The following PCSK5 variants were observed in gnomAD, a reference collection of about 807,000 sequenced individuals.
PCSK5 encodes the protein prohormone convertase 5.
A neutral mutation model predicts 233.2 loss-of-function variants in PCSK5; 129 were observed. The ratio of observed to expected loss-of-function variants is 0.55; its 90% CI spans 0.48 to 0.64. The LOEUF (loss-of-function observed/expected upper bound fraction) is 0.64. PCSK5 is among the 30% of genes least tolerant of loss of function. The pLI, the probability that PCSK5 is intolerant of heterozygous loss-of-function variation, is 0.00. For missense variants in PCSK5, 2,076 were observed against 2,430.1 expected (o/e 0.85, Z 3.06); for synonymous variants, 825 against 879.2 (o/e 0.94, Z 1.09).
At chr9:76,269,339 T>A (rs1407055802) in intron 24 of PCSK5, among the ~76,000 whole-genome samples, 1 of 152,100 alleles carries the variant, frequency 6.6e-6, no homozygotes, top group Non-Finnish European at 1.5e-5. Context: ...CCAATCTAAG[T>A]GTTCAGGGGA....
intron 7 of PCSK5, among the ~76,000 whole-genome samples, chr9:76,095,232 G>A (rs1190194177): frequency 6.6e-6 from 1 of 152,196 alleles, no homozygotes; most frequent in Non-Finnish European, 1.5e-5. Flanking sequence ...GGGAAGATCA[G>A]TTCTATAGAA....
chr9:76,298,102 G>A (rs560993749), intron 27 of PCSK5, among the ~76,000 whole-genome samples: 1 of 152,268 alleles, frequency 6.6e-6, no homozygotes, highest in African/African-American at 2.4e-5. Flanking sequence ...AAAATGGTCT[G>A]GTGCTGTGTT....
At chr9:76,075,089 G>A (rs368477118) in intron 7 of PCSK5, among the ~76,000 whole-genome samples, 162 of 152,112 alleles carry the variant, frequency 1.1e-3, no homozygotes, top group East Asian at 3.7e-3. Context: ...GTGTGGTGGC[G>A]GGTGCCTGTA....
chr9:76,172,685 C>T (rs1299215949), intron 13 of PCSK5, among the ~76,000 whole-genome samples: 3 of 152,168 alleles, frequency 2.0e-5, no homozygotes, highest in Non-Finnish European at 4.4e-5. Flanking sequence ...TTCATTTGTA[C>T]ACTTGAGAGA....
intron 5 of PCSK5, among the ~76,000 whole-genome samples, chr9:76,037,153 T>G (rs1220768555): frequency 6.6e-6 from 1 of 152,122 alleles, no homozygotes; most frequent in Non-Finnish European, 1.5e-5. Context: ...TGTTCAGAGC[T>G]TGGAATAGCA....
Position 76,360,579 on chromosome 9 carries a change from A to G in PCSK5, c.*1657A>G, listed in dbSNP as rs1335095509. 6.6e-6 allele frequency: 1 copy of G among 152,202 alleles called. No homozygotes were observed. Among genetic ancestry groups the G allele is most frequent in the Non-Finnish European group, 1.5e-5 (1 of 68,046 alleles). The allele number at this position is 152,202 out of a possible 1,614,324, so 9.4% of individuals were successfully genotyped here. A position where few individuals can be genotyped will look rare whatever the true frequency, so the allele number is the denominator to read the frequency against. The stretch of plus-strand genomic sequence containing the variant: ...TTAACATAATGTATCACTGACACAG[A>G]AAATCTTTATGAAGAAGTCTTCAGT... On this transcript the variant is annotated 3_prime_UTR_variant, in exon 38 of 38. Transcript: ENST00000674117.
chr9:76,072,841 G>C (rs1005458193), intron 7 of PCSK5, among the ~76,000 whole-genome samples: 6 of 152,114 alleles, frequency 3.9e-5, no homozygotes, highest in Non-Finnish European at 8.8e-5. Context: ...AAAGGTTCAC[G>C]TCTTCCCAGA....
intron 35 of PCSK5, among the ~76,000 whole-genome samples, chr9:76,350,396 G>A (rs1830090295): frequency 1.3e-5 from 2 of 152,142 alleles, no homozygotes; most frequent in Non-Finnish European, 2.9e-5. Context: ...TTTAGCCCTA[G>A]CATTTTAAGT....
chr9:75,986,720 G>T (rs1183410297), intron 3 of PCSK5, among the ~76,000 whole-genome samples: 2 of 152,078 alleles, frequency 1.3e-5, no homozygotes, highest in African/African-American at 4.8e-5. Context: ...CTCACTTTAG[G>T]TAATACTTTG....
chr9:76,022,471 G>A (rs1021621516), intron 3 of PCSK5, among the ~76,000 whole-genome samples: 15 of 152,166 alleles, frequency 9.9e-5, no homozygotes, highest in African/African-American at 3.1e-4. Flanking sequence ...AGAAAGTAGT[G>A]AATAGGGAAA....
intron 37 of PCSK5, among the ~76,000 whole-genome samples, chr9:76,356,742 A>G (rs1830313043): frequency 6.6e-6 from 1 of 152,354 alleles, no homozygotes; most frequent in African/African-American, 2.4e-5. Flanking sequence ...AGAGAAATAC[A>G]TAGTCATGAT....
rs149642482 is a variant in PCSK5, at chr9:75,979,003, G to T, written c.298-7129G>T. Among the ~76,000 whole-genome samples, 807 of 151,420 alleles carry T rather than the reference G, an allele frequency of 5.3e-3. 7 individuals carry two copies. The highest frequency in any genetic ancestry group is 6.8e-3 in the Non-Finnish European group (461 of 67,898). The stretch of plus-strand genomic sequence containing the variant: ...TTCCTCTACCTCAGCCTCCCAAGTA[G>T]CTGGGATTGCCCAGCTAATTTTGTA... On this transcript the variant is annotated intron_variant, in intron 2 of 37. Transcript: ENST00000674117.
At chr9:76,071,979 C>A in intron 7 of PCSK5, 81 bp downstream of exon 7, 1 of 1,380,576 alleles carries the variant, frequency 7.2e-7, no homozygotes, top group Non-Finnish European at 9.9e-7. Context: ...TTTCCAGCTG[C>A]AGTCTAGAGA....
chr9:76,068,365 A>G (rs1487352031), intron 6 of PCSK5, among the ~76,000 whole-genome samples: 1 of 152,204 alleles, frequency 6.6e-6, no homozygotes, highest in Non-Finnish European at 1.5e-5. Context: ...GTTAGAACGA[A>G]CTAATAATAT....
At chr9:76,352,870 C>T (rs1393537505) in intron 36 of PCSK5, among the ~76,000 whole-genome samples, 1 of 138,726 alleles carries the variant, frequency 7.2e-6, no homozygotes, top group Admixed American at 7.9e-5. Flanking sequence ...TGGTGAAACC[C>T]CATCTCTACA....
chr9:76,093,795 G>A (rs552761039), intron 7 of PCSK5, among the ~76,000 whole-genome samples: 5 of 152,230 alleles, frequency 3.3e-5, no homozygotes, highest in African/African-American at 9.6e-5. Flanking sequence ...TATTGATGAT[G>A]AGTTGGAACA....
chr9:76,058,247 C>T (rs185030907), intron 5 of PCSK5, among the ~76,000 whole-genome samples: 9 of 152,092 alleles, frequency 5.9e-5, no homozygotes, highest in South Asian at 2.1e-4. Context: ...CATGCATTTT[C>T]GAGAGTGAGC....
chr9:75,904,736 C>T lies in PCSK5; in HGVS notation c.192+13363C>T, dbSNP rs145564100. On this transcript the variant is annotated intron_variant, in intron 1 of 37. Coordinates refer to ENST00000674117, the MANE Select transcript of PCSK5 (RefSeq NM_001372043.1). The stretch of plus-strand genomic sequence containing the variant: ...CTGTGAGACCACTTTGGAAAACTGT[C>T]TGGCAGTTCCTCAAAAGGTGAAACA... 7.9e-5 allele frequency among the ~76,000 whole-genome samples: 12 copies of T among 152,256 alleles called. 1 individual carries two copies. The highest frequency in any genetic ancestry group is 7.2e-4 in the Admixed American group (11 of 15,294).
At chr9:76,187,450 C>A (rs1210527090) in intron 17 of PCSK5, among the ~76,000 whole-genome samples, 1 of 151,994 alleles carries the variant, frequency 6.6e-6, no homozygotes, top group African/African-American at 2.4e-5. Context: ...CTCACTCAAA[C>A]TCATGGGCTC....
Sources: allele counts gnomAD v4.1 joint callset (sites outside exome capture counted in the v4.1 genomes callset), GRCh38; gene constraint gnomAD v4.1.1; transcripts MANE v1.5; gene names NCBI Gene and HGNC (gene_info 2026-07-23, HGNC 2026-07-21).